KLHL4: variants seen among roughly 807,000 people sequenced by gnomAD.
The protein encoded by KLHL4 is kelch-like protein 4.
KLHL4 carries 17 observed loss-of-function variants against 45.8 expected under a neutral mutation model. The observed-to-expected ratio is 0.37, with a 90% CI of 0.25 to 0.56. KLHL4 has a LOEUF of 0.56. Ranked by LOEUF, KLHL4 falls within the 20% of genes least tolerant of loss-of-function variation. KLHL4 has a pLI of 0.79. For missense variants in KLHL4, 544 were observed against 544.9 expected (o/e 1.00, Z 0.02); for synonymous variants, 224 against 189.9 (o/e 1.18, Z -1.47).
intron 3 of KLHL4, 23 bp downstream of exon 3, chrX:87,614,593 C>T: frequency 8.5e-7 from 1 of 1,177,569 alleles, no homozygotes; most frequent in Non-Finnish European, 1.1e-6. Flanking sequence ...TACACATTAA[C>T]TCATAATGAC....
At position 87,669,384 on chromosome X, in the gene KLHL4, T is replaced by C. The variant is rs1924488399; in HGVS notation, c.*2850T>C. ...ACCACACAGAAGCTGAAAGAGACTC[T>C]GGGGCACTAAATTCAGATCCTTTCT... On this transcript the variant is annotated 3_prime_UTR_variant, in exon 11 of 11. Coordinates refer to ENST00000373119, the MANE Select transcript of KLHL4 (RefSeq NM_019117.5). 1 of 1,209,423 alleles carries C rather than the reference T, an allele frequency of 8.3e-7. No homozygotes were observed.
chrX:87,612,570 G>C (rs1304748830), intron 1 of KLHL4, among the ~76,000 whole-genome samples: 4 of 111,723 alleles, frequency 3.6e-5, no homozygotes, highest in Non-Finnish European at 7.5e-5. Flanking sequence ...CTCTGTTGTT[G>C]AGTGACACAA....
intron 9 of KLHL4, among the ~76,000 whole-genome samples, chrX:87,656,751 T>G (rs1027264595): frequency 9.0e-5 from 10 of 111,421 alleles, no homozygotes; most frequent in African/African-American, 2.9e-4. Context: ...TTAGGGTTAT[T>G]ATAACGCCCT....
chrX:87,537,701 T>A (rs1199903482), intron 1 of KLHL4, among the ~76,000 whole-genome samples: 2 of 111,496 alleles, frequency 1.8e-5, no homozygotes, highest in Non-Finnish European at 3.8e-5. Context: ...TACTTGTTTT[T>A]AAAAATATGC....
At chrX:87,574,899 A>T (rs1162591034) in intron 1 of KLHL4, among the ~76,000 whole-genome samples, 1 of 112,051 alleles carries the variant, frequency 8.9e-6, no homozygotes, top group African/African-American at 3.2e-5. Context: ...AAACATTCTC[A>T]TGCATTGAAT....
chrX:87,579,569 G>T (rs1921207994), intron 1 of KLHL4, among the ~76,000 whole-genome samples: 1 of 111,186 alleles, frequency 9.0e-6, no homozygotes, highest in Non-Finnish European at 1.9e-5. Flanking sequence ...CTAGGAGAGA[G>T]AATTTTGAAA....
chrX:87,646,783 A>G (rs910401634), intron 9 of KLHL4, among the ~76,000 whole-genome samples: 1 of 111,945 alleles, frequency 8.9e-6, no homozygotes, highest in East Asian at 2.8e-4. Flanking sequence ...CTAAAGCCTG[A>G]AACCATAAAA....
chrX:87,525,707 A>T (rs1569333354), intron 1 of KLHL4, among the ~76,000 whole-genome samples: 1 of 111,975 alleles, frequency 8.9e-6, no homozygotes, highest in Non-Finnish European at 1.9e-5. Context: ...TGGAAACACT[A>T]TAACGTATGT....
chrX:87,640,395 A>G (rs754010965), intron 9 of KLHL4, among the ~76,000 whole-genome samples: 34 of 111,499 alleles, frequency 3.0e-4, no homozygotes, highest in Non-Finnish European at 6.0e-4. Context: ...CAAAAAAGAA[A>G]ACTACAGCCC....
chrX:87,600,532 T>C (rs2147805450), intron 1 of KLHL4, among the ~76,000 whole-genome samples: 1 of 110,848 alleles, frequency 9.0e-6, no homozygotes, highest in East Asian at 2.9e-4. Flanking sequence ...CCGACAACTC[T>C]TTCTCTCTCT....
chrX:87,652,231 G>C, intron 9 of KLHL4, among the ~76,000 whole-genome samples: 1 of 112,351 alleles, frequency 8.9e-6, no homozygotes, highest in Non-Finnish European at 1.9e-5. Flanking sequence ...GCCTGTGATG[G>C]GAGGGGCTGC....
rs559450835 is a variant in KLHL4, at chrX:87,648,627, C to T, written c.1925+12852C>T. ...AATGACATAAAGGATAGAATTTAGG[C>T]AGAAGAGTCTAAAGAAAAAGGATGA... On this transcript the variant is annotated intron_variant, in intron 9 of 10. Coordinates refer to ENST00000373119, the MANE Select transcript of KLHL4 (RefSeq NM_019117.5). Among the ~76,000 whole-genome samples, 15 of 110,119 alleles carry T rather than the reference C, an allele frequency of 1.4e-4. No homozygotes were observed. The South Asian group carries it at 5.7e-3, about 42-fold the overall frequency.
chrX:87,559,714 C>T (rs1932055011), intron 1 of KLHL4, among the ~76,000 whole-genome samples: 1 of 111,136 alleles, frequency 9.0e-6, no homozygotes, highest in Non-Finnish European at 1.9e-5. Flanking sequence ...GACACCTTGA[C>T]ACAGAAAAAG....
At chrX:87,635,446 C>T in intron 8 of KLHL4, 117 bp from the exon 9 acceptor site, 1 of 509,940 alleles carries the variant, frequency 2.0e-6, no homozygotes, top group South Asian at 3.5e-5. Flanking sequence ...TAGTCAGACC[C>T]TTCAGAAACT....
intron 1 of KLHL4, among the ~76,000 whole-genome samples, chrX:87,565,254 G>GA (rs1268124141): frequency 9.0e-6 from 1 of 111,531 alleles, no homozygotes; most frequent in Non-Finnish European, 1.9e-5. Flanking sequence ...TAAGGTAATG[G>GA]AAAAATAAGA....
chrX:87,568,282 G>A (rs1415626277), intron 1 of KLHL4, among the ~76,000 whole-genome samples: 1 of 109,402 alleles, frequency 9.1e-6, no homozygotes, highest in African/African-American at 3.3e-5. Flanking sequence ...TTCCTGGATT[G>A]GAAGACTTAA....
intron 1 of KLHL4, among the ~76,000 whole-genome samples, chrX:87,549,449 C>A (rs2147777857): frequency 9.0e-6 from 1 of 111,600 alleles, no homozygotes; most frequent in Non-Finnish European, 1.9e-5. Context: ...GAAACAATTT[C>A]ATCCAAGAGC....
At chrX:87,643,375 A>G (rs1171572469) in intron 9 of KLHL4, among the ~76,000 whole-genome samples, 1 of 111,404 alleles carries the variant, frequency 9.0e-6, no homozygotes, top group East Asian at 2.8e-4. Context: ...GATACCTTGA[A>G]CAGACCAATA....
chrX:87,556,853 G>A (rs1931990030), intron 1 of KLHL4, among the ~76,000 whole-genome samples: 1 of 110,978 alleles, frequency 9.0e-6, no homozygotes, highest in South Asian at 3.8e-4. Context: ...ATTTGATCAT[G>A]CAGGATTTTT....
Sources: gnomAD v4.1 joint callset for allele counts (sites outside exome capture counted in the v4.1 genomes callset) on GRCh38, gnomAD v4.1.1 for gene constraint, MANE v1.5 for transcripts, NCBI Gene and HGNC (gene_info 2026-07-23, HGNC 2026-07-21) for gene names.